Variants in INPP4B observed in about 807,000 individuals in gnomAD.
The protein encoded by INPP4B is inositol polyphosphate-4-phosphatase type II B.
A neutral mutation model predicts 122.5 loss-of-function variants in INPP4B; 55 were observed. The ratio of observed to expected loss-of-function variants is 0.45; its 90% CI spans 0.36 to 0.56. The LOEUF (loss-of-function observed/expected upper bound fraction) is 0.56, where lower values mean the gene tolerates loss of function less well. Among genes scored for constraint, INPP4B ranks in the 20% least tolerant of loss-of-function variants. The pLI is 0.00. For missense variants in INPP4B, 1,000 were observed against 1,097.7 expected, an observed-to-expected ratio of 0.91 and a Z score of 1.26; for synonymous variants, 403 against 388.7, an observed-to-expected ratio of 1.04 and a Z score of -0.43.
chr4:142,643,123 C>A (rs982418084), intron 2 of INPP4B, among the ~76,000 whole-genome samples: 1 of 152,042 alleles, frequency 6.6e-6, no homozygotes, highest in African/African-American at 2.4e-5. Flanking sequence ...GATTTTGTAT[C>A]CTGAGACTTT....
chr4:142,271,080 C>T (rs796271149), intron 9 of INPP4B, among the ~76,000 whole-genome samples: 9 of 152,082 alleles, frequency 5.9e-5, no homozygotes, highest in African/African-American at 2.2e-4. Flanking sequence ...TCTTCTGCCT[C>T]AGCCTCCCGA....
At chr4:142,680,774 G>C (rs769353853) in intron 2 of INPP4B, among the ~76,000 whole-genome samples, 1 of 151,808 alleles carries the variant, frequency 6.6e-6, no homozygotes, top group African/African-American at 2.4e-5. Flanking sequence ...TGTCTCCCAA[G>C]CATCTCATTT....
At chr4:142,821,632 T>C (rs990482832) in intron 1 of INPP4B, among the ~76,000 whole-genome samples, 8 of 152,190 alleles carry the variant, frequency 5.3e-5, no homozygotes, top group Admixed American at 6.6e-5. Context: ...GATATACAAA[T>C]ATTTTCCTAT....
At chr4:142,651,247 A>G (rs915997568) in intron 2 of INPP4B, among the ~76,000 whole-genome samples, 1 of 152,180 alleles carries the variant, frequency 6.6e-6, no homozygotes, top group African/African-American at 2.4e-5. Flanking sequence ...TTATAGCACT[A>G]AAATGCCTGC....
chr4:142,327,544 T>C (rs1772875439), intron 7 of INPP4B, among the ~76,000 whole-genome samples: 1 of 152,232 alleles, frequency 6.6e-6, no homozygotes, highest in South Asian at 2.1e-4. Context: ...ATAACTGCAG[T>C]AGATCTATTC....
At chr4:142,502,678 ACCATATTGG>A (rs1427178882) in intron 2 of INPP4B, among the ~76,000 whole-genome samples, 1 of 151,708 alleles carries the variant, frequency 6.6e-6, no homozygotes, top group African/African-American at 2.4e-5. Flanking sequence ...ATGGGTTTTC[ACCATATTGG>A]CCAGGCTGGT....
chr4:142,439,878 T>A (rs1425929653), intron 3 of INPP4B, among the ~76,000 whole-genome samples: 1 of 152,178 alleles, frequency 6.6e-6, no homozygotes, highest in East Asian at 1.9e-4. Context: ...ATGGGCCAGG[T>A]TTAAGTGCCA....
At chr4:142,384,872 G>C (rs540643402) in intron 7 of INPP4B, among the ~76,000 whole-genome samples, 3 of 152,100 alleles carry the variant, frequency 2.0e-5, no homozygotes, top group African/African-American at 7.2e-5. Flanking sequence ...CTGTTCCTGT[G>C]TTAGTTTACT....
intron 2 of INPP4B, among the ~76,000 whole-genome samples, chr4:142,536,472 A>G (rs1828206189): frequency 6.6e-6 from 1 of 152,214 alleles, no homozygotes; most frequent in Non-Finnish European, 1.5e-5. Context: ...AGGCTATATC[A>G]TCATCATTTT....
At chr4:142,044,342 A>T (rs1210558406) in intron 25 of INPP4B, among the ~76,000 whole-genome samples, 1 of 152,170 alleles carries the variant, frequency 6.6e-6, no homozygotes, top group East Asian at 1.9e-4. Flanking sequence ...ATGGCTAGAG[A>T]AGAAGGCAGA....
intron 1 of INPP4B, among the ~76,000 whole-genome samples, chr4:142,842,875 AAT>A (rs1197310327): frequency 1.4e-5 from 2 of 138,712 alleles, no homozygotes; most frequent in South Asian, 2.1e-4. Flanking sequence ...GATATATATA[AAT>A]ATATATGATT....
At chr4:142,421,153 C>T (rs1355010602) in intron 5 of INPP4B, among the ~76,000 whole-genome samples, 1 of 152,098 alleles carries the variant, frequency 6.6e-6, no homozygotes, top group East Asian at 1.9e-4. Flanking sequence ...TATTGCCTCC[C>T]TACTTAGGCT....
At chr4:142,225,061 C>G (rs1354496740) in intron 12 of INPP4B, among the ~76,000 whole-genome samples, 1 of 151,988 alleles carries the variant, frequency 6.6e-6, no homozygotes, top group African/African-American at 2.4e-5. Flanking sequence ...ACATTTGAGT[C>G]TCTGGGCTGA....
At chr4:142,775,582 C>T in intron 1 of INPP4B, among the ~76,000 whole-genome samples, 1 of 137,288 alleles carries the variant, frequency 7.3e-6, no homozygotes, top group Non-Finnish European at 1.5e-5. Flanking sequence ...ACTGTGTTGC[C>T]CAGTCTGGTT....
intron 2 of INPP4B, among the ~76,000 whole-genome samples, chr4:142,725,279 A>G (rs2150858354): frequency 6.6e-6 from 1 of 152,274 alleles, no homozygotes; most frequent in South Asian, 2.1e-4. Context: ...AAGTATAATC[A>G]GGCACGCTAT....
At chr4:142,370,871 A>C (rs913658993) in intron 7 of INPP4B, among the ~76,000 whole-genome samples, 2 of 152,164 alleles carry the variant, frequency 1.3e-5, no homozygotes, top group Non-Finnish European at 2.9e-5. Context: ...AGCAATCTAC[A>C]GATTAAATGC....
At chr4:142,548,993 A>G (rs1325341351) in intron 2 of INPP4B, among the ~76,000 whole-genome samples, 1 of 152,080 alleles carries the variant, frequency 6.6e-6, no homozygotes, top group East Asian at 1.9e-4. Context: ...CTAGAATTAC[A>G]CAATGTCAGA....
intron 2 of INPP4B, among the ~76,000 whole-genome samples, chr4:142,507,438 G>C (rs1331982000): frequency 6.6e-6 from 1 of 151,962 alleles, no homozygotes. Flanking sequence ...GCTTTCTTGT[G>C]ATTTAACAGG....
chr4:142,262,086 C>G (rs116378277), intron 10 of INPP4B, among the ~76,000 whole-genome samples: 1 of 152,276 alleles, frequency 6.6e-6, no homozygotes, highest in African/African-American at 2.4e-5. Flanking sequence ...ACATAAAATT[C>G]TAATTTTTCC....
Sources: allele counts gnomAD v4.1 joint callset (sites outside exome capture counted in the v4.1 genomes callset), GRCh38; gene constraint gnomAD v4.1.1; transcripts MANE v1.5; gene names NCBI Gene and HGNC (gene_info 2026-07-23, HGNC 2026-07-21).